Variants in DLG2 observed in about 807,000 individuals in gnomAD.
The protein encoded by DLG2 is disks large homolog 2.
Under a neutral mutation model 132.5 loss-of-function variants are expected in DLG2, and 45 were observed. The observed-to-expected ratio is 0.34, with a 90% CI of 0.27 to 0.44. DLG2 has a LOEUF of 0.44. Ranked by LOEUF, DLG2 falls within the 20% of genes least tolerant of loss-of-function variation. The pLI, the probability that DLG2 is intolerant of heterozygous loss-of-function variation, is 1.00. For missense variants in DLG2, 1,045 were observed against 1,196.9 expected, an observed-to-expected ratio of 0.87 and a Z score of 1.87; for synonymous variants, 424 against 419.6, an observed-to-expected ratio of 1.01 and a Z score of -0.13.
At chr11:84,042,984 ACTTT>A (rs2096132697) in intron 11 of DLG2, among the ~76,000 whole-genome samples, 1 of 151,716 alleles carries the variant, frequency 6.6e-6, no homozygotes, top group African/African-American at 2.4e-5. Flanking sequence ...TAAATGATAT[ACTTT>A]CTGTCATTAT....
intron 4 of DLG2, among the ~76,000 whole-genome samples, chr11:85,208,624 G>A (rs906323074): frequency 2.0e-5 from 3 of 152,102 alleles, no homozygotes; most frequent in African/African-American, 4.8e-5. Context: ...ATCAGCCCCA[G>A]TGGTCCCAAC....
chr11:84,408,741 C>A (rs2098876336), intron 7 of DLG2, among the ~76,000 whole-genome samples: 1 of 152,186 alleles, frequency 6.6e-6, no homozygotes, highest in African/African-American at 2.4e-5. Context: ...TCTTGAGGGT[C>A]ACCCTGTAGG....
intron 4 of DLG2, among the ~76,000 whole-genome samples, chr11:85,195,005 A>T (rs1397166528): frequency 6.6e-6 from 1 of 152,208 alleles, no homozygotes; most frequent in Non-Finnish European, 1.5e-5. Context: ...AGTAGACATA[A>T]CAGAAGCTAA....
intron 6 of DLG2, among the ~76,000 whole-genome samples, chr11:84,590,251 T>C (rs1029178594): frequency 2.7e-4 from 41 of 152,312 alleles, no homozygotes; most frequent in African/African-American, 9.1e-4. Context: ...AATGTGGTAA[T>C]GGCAGAAAAC....
intron 6 of DLG2, among the ~76,000 whole-genome samples, chr11:85,083,673 T>A (rs973551334): frequency 6.6e-6 from 1 of 152,132 alleles, no homozygotes; most frequent in Non-Finnish European, 1.5e-5. Flanking sequence ...GGTTAGCAAT[T>A]GGTTTTAAGA....
At chr11:84,729,230 T>C (rs1055951356) in intron 6 of DLG2, among the ~76,000 whole-genome samples, 3 of 152,088 alleles carry the variant, frequency 2.0e-5, no homozygotes, top group Non-Finnish European at 4.4e-5. Flanking sequence ...TTTAGTGCTA[T>C]GTTTCCCTCT....
At chr11:85,309,633 A>G (rs571735125) in intron 3 of DLG2, among the ~76,000 whole-genome samples, 55 of 152,004 alleles carry the variant, frequency 3.6e-4, no homozygotes, top group Admixed American at 3.1e-3. Flanking sequence ...TATTCCCACA[A>G]CCTGACATCC....
At chr11:83,933,545 T>C (rs1051626752) in intron 14 of DLG2, among the ~76,000 whole-genome samples, 1 of 152,240 alleles carries the variant, frequency 6.6e-6, no homozygotes, top group Non-Finnish European at 1.5e-5. Context: ...ACCCTGGCCC[T>C]TGGTGATCTC....
chr11:84,849,996 AC>A (rs2154021175), intron 6 of DLG2, among the ~76,000 whole-genome samples: 1 of 152,276 alleles, frequency 6.6e-6, no homozygotes, highest in Non-Finnish European at 1.5e-5. Flanking sequence ...ATTTTCTTTT[AC>A]AAAATATTCC....
intron 18 of DLG2, among the ~76,000 whole-genome samples, chr11:83,657,559 G>C (rs1423488450): frequency 3.5e-5 from 2 of 56,656 alleles, no homozygotes; most frequent in African/African-American, 2.1e-4. Flanking sequence ...TTTTTTTTGA[G>C]ATGGAGTCTC....
chr11:85,493,938 T>A (rs115331034), intron 3 of DLG2, among the ~76,000 whole-genome samples: 2 of 152,108 alleles, frequency 1.3e-5, no homozygotes, highest in Admixed American at 6.5e-5. Flanking sequence ...ACCAGTAGGA[T>A]TGGCATTCAG....
At chr11:83,848,362 C>T (rs1186687490) in intron 16 of DLG2, among the ~76,000 whole-genome samples, 1 of 152,110 alleles carries the variant, frequency 6.6e-6, no homozygotes, top group Non-Finnish European at 1.5e-5. Flanking sequence ...TTATCCTTTG[C>T]TATATTGATA....
chr11:85,527,931 A>G (rs546636580), intron 3 of DLG2, among the ~76,000 whole-genome samples: 3 of 152,138 alleles, frequency 2.0e-5, no homozygotes, highest in Non-Finnish European at 4.4e-5. Flanking sequence ...TTTGATTTGC[A>G]TTTCTCTAAT....
At chr11:85,530,451 G>A (rs1214548671) in intron 3 of DLG2, among the ~76,000 whole-genome samples, 1 of 151,744 alleles carries the variant, frequency 6.6e-6, no homozygotes. Flanking sequence ...CTTCTGATTA[G>A]TTGCAATTAC....
At chr11:84,251,997 C>A (rs2097384538) in intron 7 of DLG2, among the ~76,000 whole-genome samples, 1 of 151,980 alleles carries the variant, frequency 6.6e-6, no homozygotes, top group Non-Finnish European at 1.5e-5. Flanking sequence ...CTCAAGGAAG[C>A]AAAATTAAAC....
chr11:84,166,877 C>G, intron 8 of DLG2: 1 of 530,594 alleles, frequency 1.9e-6, no homozygotes, highest in South Asian at 1.4e-5. Context: ...ATATGATTTT[C>G]AATTCCTTTT....
At chr11:85,357,674 T>C (rs1596494240) in intron 3 of DLG2, among the ~76,000 whole-genome samples, 1 of 138,024 alleles carries the variant, frequency 7.2e-6, no homozygotes, top group East Asian at 2.2e-4. Flanking sequence ...GGCTACTATA[T>C]ATGTACAATA....
intron 6 of DLG2, among the ~76,000 whole-genome samples, chr11:84,704,979 A>C (rs1005137067): frequency 2.0e-5 from 3 of 150,980 alleles, no homozygotes; most frequent in Non-Finnish European, 3.0e-5. Context: ...GAGCATGTAC[A>C]CATGTGCACA....
intron 6 of DLG2, among the ~76,000 whole-genome samples, chr11:85,098,544 GA>G (rs2070305525): frequency 6.6e-6 from 1 of 152,154 alleles, no homozygotes; most frequent in South Asian, 2.1e-4. Flanking sequence ...GTTATAAACA[GA>G]GTACAACTTT....
Sources: gnomAD v4.1 joint callset for allele counts (sites outside exome capture counted in the v4.1 genomes callset) on GRCh38, gnomAD v4.1.1 for gene constraint, MANE v1.5 for transcripts, NCBI Gene and HGNC (gene_info 2026-07-23, HGNC 2026-07-21) for gene names.